HNRNPM: variants seen among roughly 807,000 people sequenced by gnomAD.
HNRNPM encodes the protein CEA receptor.
HNRNPM carries 11 observed loss-of-function variants against 73.1 expected under a neutral mutation model. The observed-to-expected ratio is 0.15, with a 90% CI of 0.09 to 0.25. The LOEUF is 0.25. HNRNPM is among the 10% of genes least tolerant of loss of function. The probability of loss-of-function intolerance (pLI) is 1.00; values close to 1 mark genes in which losing one functional copy is unlikely to be tolerated. For missense variants in HNRNPM, 789 were observed against 1,067.9 expected (o/e 0.74, Z 3.64); for synonymous variants, 407 against 355.2 (o/e 1.15, Z -1.64).
At chr19:8,479,102 T>TCC (rs1555707127) in intron 12 of HNRNPM, among the ~76,000 whole-genome samples, 25 of 143,984 alleles carry the variant, frequency 1.7e-4, no homozygotes, top group African/African-American at 6.5e-4. Context: ...TTTTTTTTTT[T>TCC]CAAGACAGAG....
rs374116494 is a variant in HNRNPM, at chr19:8,475,531, C to T, written c.1120+1287C>T. Among the ~76,000 whole-genome samples, 9 of 152,286 alleles carry T rather than the reference C, an allele frequency of 5.9e-5. No homozygotes were observed. The East Asian group carries it at 1.5e-3, about 26-fold the overall frequency. On this transcript the variant is annotated intron_variant, in intron 12 of 15. Transcript: ENST00000325495. Reference sequence around the variant, plus strand: ...ATTGTCAGGCTTGAAAGGCGGCTGTCCCTGATGATCAGGCCCTTCTTCCGG... The same window carrying T: ...ATTGTCAGGCTTGAAAGGCGGCTGTTCCTGATGATCAGGCCCTTCTTCCGG...
chr19:8,459,409 G>C (rs1198891763), intron 2 of HNRNPM, among the ~76,000 whole-genome samples: 4 of 152,098 alleles, frequency 2.6e-5, no homozygotes, highest in African/African-American at 7.2e-5. Flanking sequence ...AAGCCAAGTA[G>C]GTGTGTAGAA....
chr19:8,448,407 T>TA (rs200388330), intron 1 of HNRNPM, among the ~76,000 whole-genome samples: 4 of 152,028 alleles, frequency 2.6e-5, no homozygotes, highest in East Asian at 1.9e-4. Context: ...TATAGGTTTT[T>TA]AAAATTTTTT....
intron 7 of HNRNPM, 25 bp downstream of exon 7, chr19:8,466,413 T>TA (rs1969746713): frequency 6.2e-7 from 1 of 1,612,404 alleles, no homozygotes; most frequent in Non-Finnish European, 8.5e-7. Flanking sequence ...GAATTCAACT[T>TA]ATGAACAGTT....
At chr19:8,455,383 T>C in intron 1 of HNRNPM, 22 bp from the exon 2 acceptor site, 1 of 1,598,568 alleles carries the variant, frequency 6.3e-7, no homozygotes, top group African/African-American at 1.4e-5. Context: ...CTTTACCTTT[T>C]TTTCCTCTCT....
chr19:8,453,322 G>A (rs955234762), intron 1 of HNRNPM, among the ~76,000 whole-genome samples: 1 of 151,886 alleles, frequency 6.6e-6, no homozygotes, highest in African/African-American at 2.4e-5. Flanking sequence ...TGTATTTTTA[G>A]TAGAGATGGA....
chr19:8,453,738 T>A (rs567899108), intron 1 of HNRNPM, among the ~76,000 whole-genome samples: 13 of 152,278 alleles, frequency 8.5e-5, no homozygotes, highest in Admixed American at 6.5e-4. Context: ...GGCTTCTGGC[T>A]CCTCACTTGT....
At position 8,471,338 on chromosome 19, in the gene HNRNPM, G is replaced by A; in HGVS notation, c.908G>A (p.Gly303Asp). The A allele has an allele frequency of 6.3e-7, 1 of 1,583,246 alleles. No homozygotes were observed. The highest frequency in any genetic ancestry group is 8.6e-7 in the Non-Finnish European group (1 of 1,165,016). ...RPQQLPHGLG[G>D]IGMGLGPGGQ... ...CTTTTCTTTCCAGATGGCCTTGGTG[G>A]TATTGGCATGGGGTTAGGACCAGGA... Residue 303 changes from glycine to aspartate, a missense_variant, in exon 10 of 16, where the codon GGT becomes GAT. By Grantham distance (94) the Gly-to-Asp change is moderately conservative. Around this residue, in one of 4 missense-constraint regions of HNRNPM, gnomAD observed 604 missense variants for 744.0 expected, o/e 0.81. Coordinates refer to ENST00000325495, the MANE Select transcript of HNRNPM (RefSeq NM_005968.5).
chr19:8,479,597 C>A (rs1346948652), intron 12 of HNRNPM, among the ~76,000 whole-genome samples: 1 of 151,690 alleles, frequency 6.6e-6, no homozygotes, highest in East Asian at 2.0e-4. Flanking sequence ...AACACAGGCA[C>A]ATGCCACCAT....
rs74333186 is a variant in HNRNPM, at chr19:8,451,413, C to T, written c.114-3992C>T. ...ACATATACATGGACTAGAGAAGAAT[C>T]TTCCCCTAATTTTGTCCTGAAGATA... On this transcript the variant is annotated intron_variant, in intron 1 of 15. Transcript: ENST00000325495. Among the ~76,000 whole-genome samples, 670 of 152,270 alleles carry T rather than the reference C, an allele frequency of 4.4e-3. 4 individuals carry two copies. The highest frequency in any genetic ancestry group is 0.016 in the African/African-American group (648 of 41,532).
At chr19:8,463,769 C>A in intron 5 of HNRNPM, 83 bp downstream of exon 5, 1 of 917,436 alleles carries the variant, frequency 1.1e-6, no homozygotes, top group Non-Finnish European at 1.7e-6. Context: ...CGGTCATGGT[C>A]CCAGACGGCA....
intron 5 of HNRNPM, among the ~76,000 whole-genome samples, chr19:8,464,842 C>G (rs974645792): frequency 2.0e-5 from 3 of 152,106 alleles, no homozygotes; most frequent in African/African-American, 4.8e-5. Context: ...TACTGCGCAG[C>G]CCTCACACAC....
At position 8,488,869 on chromosome 19, in the gene HNRNPM, T is replaced by A. The variant is rs765517212; in HGVS notation, c.*15T>A. The A allele has an allele frequency of 1.8e-5, 29 of 1,599,446 alleles. No homozygotes were observed. The highest frequency in any genetic ancestry group is 6.8e-5 in the Admixed American group (4 of 58,936). On this transcript the variant is annotated 3_prime_UTR_variant, in exon 16 of 16. Transcript: ENST00000325495. ...GAAACGCTTAAGCAGTTGCCTTTTT[T>A]AAACATCGATACGAGACCTCTGAAT...
intron 5 of HNRNPM, 131 bp from the exon 6 acceptor site, chr19:8,465,193 G>T: frequency 2.8e-6 from 2 of 716,066 alleles, no homozygotes; most frequent in Non-Finnish European, 2.3e-6. Flanking sequence ...TGACTTTCTT[G>T]TTAATAGATT....
chr19:8,461,583 A>G (rs1326033012), intron 2 of HNRNPM, among the ~76,000 whole-genome samples: 1 of 152,220 alleles, frequency 6.6e-6, no homozygotes. Context: ...CATGGTGGTC[A>G]TGAATTGGCA....
chr19:8,476,075 ATCTCGCAGTCAGGAT>A (rs1970484099), intron 12 of HNRNPM, among the ~76,000 whole-genome samples: 1 of 151,990 alleles, frequency 6.6e-6, no homozygotes, highest in Non-Finnish European at 1.5e-5. Flanking sequence ...GGCAGGTGTA[ATCTCGCAGTCAGGAT>A]TCAGAGCCTG....
intron 12 of HNRNPM, among the ~76,000 whole-genome samples, chr19:8,474,713 A>C (rs555697122): frequency 3.3e-4 from 34 of 104,338 alleles, no homozygotes; most frequent in Middle Eastern, 5.8e-3. Flanking sequence ...TCCTCCACCA[A>C]CTTTTTTTTT....
chr19:8,465,382 G>A lies in HNRNPM; in HGVS notation c.497G>A (p.Gly166Glu), dbSNP rs765767664. The change falls in exon 6 of 16, where the codon GGG (glycine) becomes GAG (glutamate). Residue 166 changes from glycine to glutamate, a missense_variant. Physicochemically the swap from Gly to Glu is moderately conservative, Grantham distance 98. This residue lies in a region of HNRNPM where 604 missense variants were observed against 744.0 expected (regional missense o/e 0.81). Coordinates refer to ENST00000325495, the MANE Select transcript of HNRNPM (RefSeq NM_005968.5). ...AMQKVMATTG[G>E]MGMGPGGPGM... is the part of the protein sequence containing the mutation. ...CAAAAGGTGATGGCTACGACTGGTG[G>A]GATGGGTATGGGACCAGGTGGCCCA... 6.2e-7 allele frequency: 1 copy of A among 1,613,726 alleles called. No individual in the cohort carries two copies. The highest frequency in any genetic ancestry group is 8.5e-7 in the Non-Finnish European group (1 of 1,179,850).
Position 8,485,553 on chromosome 19 carries a change from C to T in HNRNPM, c.1175-50C>T, listed in dbSNP as rs201975075. 3.5e-4 allele frequency: 543 copies of T among 1,543,434 alleles called. 1 individual carries two copies. The highest frequency in any genetic ancestry group is 1.6e-3 in the Middle Eastern group (8 of 4,988). ...GAAGTGGTCTGGCGTGTTGTGCACA[C>T]GCACACTCAAGTTCTTGACACCCAC... On this transcript the variant is annotated intron_variant, in intron 13 of 15. Coordinates refer to ENST00000325495, the MANE Select transcript of HNRNPM (RefSeq NM_005968.5).
Sources: allele counts gnomAD v4.1 joint callset (sites outside exome capture counted in the v4.1 genomes callset), GRCh38; gene constraint gnomAD v4.1.1; regional missense constraint gnomAD v4.1.1; transcripts MANE v1.5; gene names NCBI Gene and HGNC (gene_info 2026-07-23, HGNC 2026-07-21).